The following TMEM223 variants were observed in gnomAD, a reference collection of about 807,000 sequenced individuals.
The protein encoded by TMEM223 is transmembrane protein 223.
Under a neutral mutation model 14.1 loss-of-function variants are expected in TMEM223, and 14 were observed. The ratio of observed to expected loss-of-function variants is 0.99; its 90% CI spans 0.66 to 1.55. TMEM223 has a LOEUF of 1.55. TMEM223 is among the 40% of genes most tolerant of loss of function. The pLI, the probability that TMEM223 is intolerant of heterozygous loss-of-function variation, is 0.00. For missense variants in TMEM223, 346 were observed against 269.9 expected (o/e 1.28, Z -1.97); for synonymous variants, 145 against 120.5 (o/e 1.20, Z -1.33).
At chr11:62,778,627 T>G in intron 1 of TMEM223, 2 of 611,206 alleles carry the variant, frequency 3.3e-6, no homozygotes, top group African/African-American at 3.7e-5. Flanking sequence ...TCACAGAGCC[T>G]GAAGCTCTCA....
Position 62,776,309 on chromosome 11 carries a change from G to A in TMEM223, c.315-1644C>T. The A allele has an allele frequency of 2.7e-6, 4 of 1,468,150 alleles. No homozygotes were observed. In the South Asian group the frequency reaches 4.6e-5, roughly 17 times the overall value. The allele number at this position is 1,468,150 out of a possible 1,614,324, so 90.9% of individuals were successfully genotyped here. On this transcript the variant is annotated intron_variant, in intron 1 of 2. Transcript: ENST00000528367. Reference sequence around the variant, plus strand: ...TCCTGTTTGCCTTCTCTCCAGTCTGGCCCACTTCATTTGGGGTTTCCCATG... The same window carrying A: ...TCCTGTTTGCCTTCTCTCCAGTCTGACCCACTTCATTTGGGGTTTCCCATG...
chr11:62,771,931 A>G (rs1253260354), exon 3 of TMEM223: 1 of 356,130 alleles, frequency 2.8e-6, no homozygotes, highest in Non-Finnish European at 5.5e-6. Flanking sequence ...AGGGTCACCA[A>G]GGGGTGGGTC....
downstream of TMEM223, chr11:62,786,876 G>T (rs770664528): frequency 2.9e-5 from 46 of 1,576,750 alleles, no homozygotes; most frequent in Admixed American, 8.9e-5. Flanking sequence ...ACTCGGTGCG[G>T]AAGATGCCGC....
downstream of TMEM223, chr11:62,789,708 G>T: frequency 1.3e-6 from 2 of 1,526,980 alleles, no homozygotes; most frequent in Non-Finnish European, 1.8e-6. Context: ...AGGAAAAACT[G>T]ACATAAATAT....
chr11:62,791,828 C>G lies in TMEM223; in HGVS notation c.167G>C (p.Gly56Ala). The change falls in exon 1 of 2, where the codon GGC becomes GCC. Residue 56 changes from glycine (G) to alanine (A), a missense_variant. Physicochemically the swap from Gly to Ala is moderately conservative, Grantham distance 60 (BLOSUM62 0). Transcript: ENST00000307366. Reference sequence around the variant, plus strand: ...CACAGCCATGGAAGCCCAGAAGACGCCCTGGCCCGCGCAGAACAGCCCGAG... The same window carrying G: ...CACAGCCATGGAAGCCCAGAAGACGGCCTGGCCCGCGCAGAACAGCCCGAG... ...TILGLFCAGQ[G>A]VFWASMAVAA... The G allele has an allele frequency of 6.3e-7, 1 of 1,587,836 alleles. No homozygotes were observed. The highest frequency in any genetic ancestry group is 8.6e-7 in the Non-Finnish European group (1 of 1,167,960).
downstream of TMEM223, chr11:62,789,870 TC>T (rs1490950746): frequency 1.2e-6 from 2 of 1,610,780 alleles, no homozygotes; most frequent in Admixed American, 3.4e-5. Context: ...GACGATCCTG[TC>T]CCTGTCTCCT....
intron 1 of TMEM223, among the ~76,000 whole-genome samples, chr11:62,780,425 C>T (rs996149462): frequency 6.6e-6 from 1 of 151,644 alleles, no homozygotes; most frequent in South Asian, 2.1e-4. Flanking sequence ...GCAGGAGAAT[C>T]GCTTGAACCT....
chr11:62,777,536 C>G (rs1407546038), intron 1 of TMEM223, among the ~76,000 whole-genome samples: 1 of 152,040 alleles, frequency 6.6e-6, no homozygotes, highest in East Asian at 1.9e-4. Context: ...AGAACTTGAG[C>G]TTGGCTTAAA....
downstream of TMEM223, among the ~76,000 whole-genome samples, chr11:62,785,768 C>G (rs2084268688): frequency 6.6e-6 from 1 of 151,046 alleles, no homozygotes; most frequent in Admixed American, 6.6e-5. Flanking sequence ...CTCCTGACCT[C>G]AGGTGATCCA....
chr11:62,791,660 A>T lies in TMEM223; in HGVS notation c.316+19T>A. 1 of 1,510,218 alleles carries T rather than the reference A, an allele frequency of 6.6e-7. No individual in the cohort carries two copies. The highest frequency in any genetic ancestry group is 8.9e-7 in the Non-Finnish European group (1 of 1,129,114). The allele number at this position is 1,510,218 out of a possible 1,614,324, so 93.6% of individuals were successfully genotyped here. A position where few individuals can be genotyped will look rare whatever the true frequency, so the allele number is the denominator to read the frequency against. On this transcript the variant is annotated intron_variant, in intron 1 of 1. Transcript: ENST00000307366. The stretch of plus-strand genomic sequence containing the variant: ...CGCCACCCCACGTTGTCACAGTGGG[A>T]AGCCAGCCCACGTCTTACCGATGGC...
At chr11:62,784,531 C>T (rs895023253), downstream of TMEM223, among the ~76,000 whole-genome samples, 6 of 151,930 alleles carry the variant, frequency 3.9e-5, no homozygotes, top group East Asian at 5.8e-4. Flanking sequence ...TGGTCTCGAT[C>T]TCCTGGCCTC....
intron 1 of TMEM223, chr11:62,781,662 C>CAAAAAA (rs58932683): frequency 5.5e-4 from 173 of 314,814 alleles, no homozygotes; most frequent in Middle Eastern, 2.1e-3. Context: ...GACTCGGTCT[C>CAAAAAA]AAAAAAAAAA....
chr11:62,779,017 CTG>C, intron 1 of TMEM223: 7 of 1,263,832 alleles, frequency 5.5e-6, no homozygotes, highest in Middle Eastern at 1.9e-4. Flanking sequence ...AATTCTAGAC[CTG>C]TTTTTTTTTT....
chr11:62,787,525 C>T, downstream of TMEM223: 1 of 1,568,818 alleles, frequency 6.4e-7, no homozygotes, highest in East Asian at 2.3e-5. Flanking sequence ...GACTCGGACC[C>T]AGGTGCGGCT....
intron 1 of TMEM223, chr11:62,778,838 C>A (rs767892410): frequency 1.1e-5 from 17 of 1,599,312 alleles, no homozygotes; most frequent in Admixed American, 3.3e-5. Flanking sequence ...AGCTCTCCAC[C>A]TGTCCCTGCT....
downstream of TMEM223, chr11:62,786,434 C>G: frequency 6.2e-7 from 1 of 1,600,634 alleles, no homozygotes; most frequent in Non-Finnish European, 8.6e-7. Context: ...ATGAGCTTAG[C>G]AGCCAAGCAG....
intron 2 of TMEM223, among the ~76,000 whole-genome samples, chr11:62,773,120 C>T (rs1322860270): frequency 2.0e-5 from 3 of 148,784 alleles, no homozygotes; most frequent in African/African-American, 7.5e-5. Flanking sequence ...GGATTACAGG[C>T]GTGAGCCACC....
At chr11:62,774,199 C>T (rs992668503) in intron 2 of TMEM223, among the ~76,000 whole-genome samples, 4 of 152,004 alleles carry the variant, frequency 2.6e-5, no homozygotes, top group African/African-American at 9.7e-5. Flanking sequence ...GCCTCAGCCT[C>T]CCGAGTAGCT....
chr11:62,786,509 TCTTA>T (rs764913619), downstream of TMEM223: 1 of 1,561,860 alleles, frequency 6.4e-7, no homozygotes, highest in East Asian at 2.3e-5. Context: ...AGTCCTTGGC[TCTTA>T]CAGGTGGCGG....
Sources: allele counts gnomAD v4.1 joint callset (sites outside exome capture counted in the v4.1 genomes callset), GRCh38; gene constraint gnomAD v4.1.1; transcripts MANE v1.5; gene names NCBI Gene and HGNC (gene_info 2026-07-23, HGNC 2026-07-21).